The following TYMS variants were observed in gnomAD, a reference collection of about 807,000 sequenced individuals.
TYMS encodes thymidylate synthase.
TYMS carries 21 observed loss-of-function variants against 39.3 expected under a neutral mutation model. The ratio of observed to expected loss-of-function variants is 0.54; its 90% CI spans 0.38 to 0.77. The LOEUF (loss-of-function observed/expected upper bound fraction) is 0.77. TYMS is among the 30% of genes least tolerant of loss of function. TYMS has a pLI of 0.00. For missense variants in TYMS, 273 were observed against 406.7 expected (o/e 0.67, Z 2.83); for synonymous variants, 171 against 162.2 (o/e 1.05, Z -0.41).
chr18:672,768 A>G, intron 6 of TYMS, 92 bp from the exon 7 acceptor site: 1 of 1,386,186 alleles, frequency 7.2e-7, no homozygotes, highest in Non-Finnish European at 9.8e-7. Flanking sequence ...AACTTTGTTG[A>G]TCACATCCTG....
intron 3 of TYMS, among the ~76,000 whole-genome samples, chr18:665,288 T>A (rs2074798673): frequency 6.6e-6 from 1 of 151,012 alleles, no homozygotes. Context: ...TCTTCTAGAT[T>A]TTCTAGTTTA....
chr18:661,761 G>A (rs561613458), intron 2 of TYMS, among the ~76,000 whole-genome samples: 22 of 152,330 alleles, frequency 1.4e-4, no homozygotes, highest in Non-Finnish European at 2.8e-4. Flanking sequence ...CGAAGTGGGC[G>A]GATCACCTGA....
At position 670,652 on chromosome 18, in the gene TYMS, AACC is replaced by A. The variant is rs776731765; in HGVS notation, c.557-35_557-33del. ...CTTTGCCTTTAGCTGTGGTCTTTCA[AACC>A]ACCATCCCTCCTTATCTTCCTCTGC... On this transcript the variant is annotated intron_variant, in intron 4 of 6. Coordinates refer to ENST00000323274, the MANE Select transcript of TYMS (RefSeq NM_001071.4). The A allele has an allele frequency of 2.4e-5, 39 of 1,604,952 alleles. No homozygotes were observed. The East Asian group carries it at 3.8e-4, about 16-fold the overall frequency.
At chr18:668,985 G>C in intron 3 of TYMS, 87 bp from the exon 4 acceptor site, 4 of 1,117,202 alleles carry the variant, frequency 3.6e-6, no homozygotes, top group Non-Finnish European at 5.3e-6. Flanking sequence ...CCCTGGGTAA[G>C]AGACTGTAAT....
chr18:658,273 G>A lies in TYMS; in HGVS notation c.205+326G>A, dbSNP rs776627638. The A allele has an allele frequency of 1.4e-6, 2 of 1,442,046 alleles. No individual in the cohort carries two copies. Among genetic ancestry groups the A allele is most frequent in the South Asian group, 2.4e-5 (2 of 82,416 alleles). The allele number at this position is 1,442,046 out of a possible 1,614,324, so 89.3% of individuals were successfully genotyped here. A position where few individuals can be genotyped will look rare whatever the true frequency, so the allele number is the denominator to read the frequency against. ...CGGGCAGCGTTTGCCCAGTGCTGGA[G>A]GGTTAGGGAGAGCTGCCTGGGCTTG... On this transcript the variant is annotated intron_variant, in intron 1 of 6. Coordinates refer to ENST00000323274, the MANE Select transcript of TYMS (RefSeq NM_001071.4). The surrounding 1 kb of genome is among the most constrained non-coding windows in gnomAD (Gnocchi z 4.5).
At chr18:662,353 G>A (rs529594219) in intron 3 of TYMS, 33 bp downstream of exon 3, 9 of 1,568,256 alleles carry the variant, frequency 5.7e-6, no homozygotes, top group Admixed American at 2.0e-5. Context: ...TCCATTTCCC[G>A]GGTGCCCTTC....
In TYMS at chr18:659,652, C is replaced by T; in HGVS notation, c.217C>T (p.Leu73=). ...ARYSLRDEFP[L]LTTKRVFWKG... Reference sequence around the variant, plus strand: ...AAATTGTTTTTCAGATGAATTCCCTCTGCTGACAACCAAACGTGTGTTCTG... The same window carrying T: ...AAATTGTTTTTCAGATGAATTCCCTTTGCTGACAACCAAACGTGTGTTCTG... The change falls in exon 2 of 7, where the codon CTG becomes TTG. Residue 73 remains leucine (L), a synonymous_variant. Coordinates refer to ENST00000323274, the MANE Select transcript of TYMS (RefSeq NM_001071.4). 6.2e-7 allele frequency: 1 copy of T among 1,614,172 alleles called. No homozygotes were observed. Among genetic ancestry groups the T allele is most frequent in the Non-Finnish European group, 8.5e-7 (1 of 1,179,984 alleles).
intron 3 of TYMS, among the ~76,000 whole-genome samples, chr18:666,414 G>A (rs1177339222): frequency 6.6e-6 from 1 of 152,160 alleles, no homozygotes; most frequent in Non-Finnish European, 1.5e-5. Context: ...GGTGGAGAAA[G>A]AATGAAACAT....
chr18:671,510 G>A (rs975876176), intron 6 of TYMS, 59 bp downstream of exon 6: 2 of 1,100,342 alleles, frequency 1.8e-6, no homozygotes, highest in Admixed American at 3.4e-5. Context: ...AAGGTTGACT[G>A]TGGAACAGGC....
intron 3 of TYMS, among the ~76,000 whole-genome samples, chr18:668,404 G>A (rs921318368): frequency 1.3e-5 from 2 of 152,202 alleles, no homozygotes; most frequent in Admixed American, 6.5e-5. Context: ...TCAGCTTCCA[G>A]TTCCATCTCA....
At position 657,932 on chromosome 18, in the gene TYMS, CGCTACA is replaced by C. The variant is rs1015504328; in HGVS notation, c.193_198del (p.Tyr65_Ser66del). 1 of 1,506,724 alleles carries C rather than the reference CGCTACA, an allele frequency of 6.6e-7. No homozygotes were observed. Among genetic ancestry groups the C allele is most frequent in the African/African-American group, 1.4e-5 (1 of 71,228 alleles). The allele number at this position is 1,506,724 out of a possible 1,614,324, so 93.3% of individuals were successfully genotyped here. A position where few individuals can be genotyped will look rare whatever the true frequency, so the allele number is the denominator to read the frequency against. On this transcript the variant is annotated inframe_deletion, in exon 1 of 7. Coordinates refer to ENST00000323274, the MANE Select transcript of TYMS (RefSeq NM_001071.4). ...CCTGTCGGTATTCGGCATGCAGGCG[CGCTACA>C]GCCTGAGAGGTGACGCCGCGGGCCC... is the stretch of plus-strand genomic sequence containing the variant.
chr18:670,625 T>C, intron 4 of TYMS, 67 bp from the exon 5 acceptor site: 1 of 1,557,666 alleles, frequency 6.4e-7, no homozygotes, highest in Non-Finnish European at 8.8e-7. Flanking sequence ...TCTCCTGTTT[T>C]ACTTTGCCTT....
Position 662,164 on chromosome 18 carries a change from G to C in TYMS, c.298G>C (p.Glu100Gln), listed in dbSNP as rs59755869. ...CTTCCAGGGATCCACAAATGCTAAA[G>C]AGCTGTCTTCCAAGGGAGTGAAAAT... is the stretch of plus-strand genomic sequence containing the variant. ...WFIKGSTNAK[E>Q]LSSKGVKIWD... The change falls in exon 3 of 7, where the codon GAG becomes CAG. Residue 100 changes from glutamate (E) to glutamine (Q), a missense_variant. This residue lies in a region of TYMS where 228 missense variants were observed against 326.1 expected (regional missense o/e 0.70). Transcript: ENST00000323274. 822 of 1,611,732 alleles carry C rather than the reference G, an allele frequency of 5.1e-4. 1 individual carries two copies. Among genetic ancestry groups the C allele is most frequent in the Non-Finnish European group, 6.5e-4 (767 of 1,179,136 alleles).
At chr18:671,487 C>G (rs375393106) in intron 6 of TYMS, 36 bp downstream of exon 6, 1 of 1,359,670 alleles carries the variant, frequency 7.4e-7, no homozygotes, top group African/African-American at 1.4e-5. Context: ...GGTTTGGTAC[C>G]TTCTCTTGAT....
chr18:673,299 A>G lies in TYMS; in HGVS notation c.*302A>G, dbSNP rs1294303909. The G allele has an allele frequency of 7.9e-6, 2 of 252,440 alleles. No homozygotes were observed. Among genetic ancestry groups the G allele is most frequent in the East Asian group, 1.2e-4 (2 of 16,738 alleles). 15.6% of individuals were successfully genotyped at this position (252,440 alleles called of 1,614,324 possible). ...AAACATGTATGTGCATTTCAATCCC[A>G]CGTACTTATAAAGAAGGTTGGTGAA... On this transcript the variant is annotated 3_prime_UTR_variant, in exon 7 of 7. Coordinates refer to ENST00000323274, the MANE Select transcript of TYMS (RefSeq NM_001071.4).
intron 4 of TYMS, among the ~76,000 whole-genome samples, chr18:670,130 A>T (rs35914751): frequency 1.1e-4 from 17 of 148,908 alleles, no homozygotes; most frequent in Non-Finnish European, 1.9e-4. Context: ...GGCAACCTCC[A>T]TCTCCCAGGT....
chr18:673,101 A>G lies in TYMS; in HGVS notation c.*104A>G. The G allele has an allele frequency of 7.9e-7, 1 of 1,273,388 alleles. No individual in the cohort carries two copies. 78.9% of individuals were successfully genotyped at this position (1,273,388 alleles called of 1,614,324 possible). On this transcript the variant is annotated 3_prime_UTR_variant, in exon 7 of 7. Coordinates refer to ENST00000323274, the MANE Select transcript of TYMS (RefSeq NM_001071.4). ...TCTAAAAGAAAAAGGAACTAGGTCAAAAATCTGTCCGTGACCTATCAGTTA... is the reference window on the plus strand; with the variant it reads ...TCTAAAAGAAAAAGGAACTAGGTCAGAAATCTGTCCGTGACCTATCAGTTA...
intron 5 of TYMS, 110 bp from the exon 6 acceptor site, chr18:671,270 T>A (rs542006708): frequency 1.6e-5 from 13 of 802,774 alleles, no homozygotes; most frequent in Non-Finnish European, 2.8e-5. Context: ...CTACACTAAA[T>A]TATTTTTTTA....
At position 662,268 on chromosome 18, in the gene TYMS, T is replaced by G; in HGVS notation, c.402T>G (p.Val134=). 1 of 1,614,026 alleles carries G rather than the reference T, an allele frequency of 6.2e-7. No homozygotes were observed. The highest frequency in any genetic ancestry group is 1.1e-5 in the South Asian group (1 of 91,066). The change falls in exon 3 of 7, where the codon GTT becomes GTG. Residue 134 remains valine, a synonymous_variant. Coordinates refer to ENST00000323274, the MANE Select transcript of TYMS (RefSeq NM_001071.4). ...GAGAAGAAGGGGACTTGGGCCCAGT[T>G]TATGGCTTCCAGTGGAGGCATTTTG... ...STREEGDLGP[V]YGFQWRHFGA...
Sources: gnomAD v4.1 joint callset for allele counts (sites outside exome capture counted in the v4.1 genomes callset) on GRCh38, gnomAD v4.1.1 for gene constraint, gnomAD v4.1.1 regional missense constraint, Gnocchi (gnomAD v3.1) non-coding constraint, MANE v1.5 for transcripts, NCBI Gene and HGNC (gene_info 2026-07-23, HGNC 2026-07-21) for gene names.